SVOP: variants seen among roughly 807,000 people sequenced by gnomAD.
SVOP encodes the protein synaptic vesicle 2-related protein.
SVOP carries 17 observed loss-of-function variants against 69.1 expected under a neutral mutation model. That is an observed-to-expected ratio of 0.25 (90% confidence interval 0.17 to 0.37). The LOEUF (loss-of-function observed/expected upper bound fraction) is 0.37. Ranked by LOEUF, SVOP falls within the 10% of genes least tolerant of loss-of-function variation. The probability of loss-of-function intolerance (pLI) is 1.00; values close to 1 mark genes in which losing one functional copy is unlikely to be tolerated. For missense variants in SVOP, 435 were observed against 597.5 expected (o/e 0.73, Z 2.84); for synonymous variants, 238 against 238.6 (o/e 1.00, Z 0.02).
At chr12:109,001,265 C>T (rs2040267742) in intron 1 of SVOP, among the ~76,000 whole-genome samples, 2 of 110,824 alleles carry the variant, frequency 1.8e-5, no homozygotes, top group Non-Finnish European at 3.8e-5. Flanking sequence ...TGTGAAGGAC[C>T]TCTTCAAGGA....
chr12:108,994,031 G>A lies in SVOP; in HGVS notation c.36-10270C>T, dbSNP rs551168939. Among the ~76,000 whole-genome samples the A allele has an allele frequency of 7.2e-5, 11 of 152,218 alleles. No homozygotes were observed. In the East Asian group the frequency reaches 1.7e-3, roughly 24 times the overall value. On this transcript the variant is annotated intron_variant, in intron 1 of 15. Coordinates refer to ENST00000610966, the MANE Select transcript of SVOP (RefSeq NM_018711.5). ...CATCTTCGCCGCAAGGACCGTCCAC[G>A]GCTCCCTACTTCCTTCTGTGGACTA...
At chr12:108,993,031 AC>A (rs1169475370) in intron 1 of SVOP, among the ~76,000 whole-genome samples, 4 of 151,966 alleles carry the variant, frequency 2.6e-5, no homozygotes, top group African/African-American at 9.7e-5. Context: ...ACATAGCGAG[AC>A]CCCGTCTTTT....
chr12:108,973,866 C>T (rs1397515389), intron 4 of SVOP, among the ~76,000 whole-genome samples: 3 of 152,192 alleles, frequency 2.0e-5, no homozygotes, highest in Non-Finnish European at 4.4e-5. Flanking sequence ...CAATGTAAAC[C>T]CTTCAGGGTG....
chr12:108,972,304 T>G, intron 5 of SVOP, 101 bp downstream of exon 5: 1 of 1,107,146 alleles, frequency 9.0e-7, no homozygotes, highest in South Asian at 1.4e-5. Context: ...TCATCCTTAT[T>G]AGGCCTCCCA....
chr12:108,928,766 C>T (rs373389106), intron 11 of SVOP, among the ~76,000 whole-genome samples: 2 of 152,000 alleles, frequency 1.3e-5, no homozygotes, highest in East Asian at 1.9e-4. Context: ...CAGGGTTTCA[C>T]CATATTGCCC....
At chr12:108,935,939 G>T (rs2039853589) in intron 10 of SVOP, among the ~76,000 whole-genome samples, 1 of 151,910 alleles carries the variant, frequency 6.6e-6, no homozygotes, top group Non-Finnish European at 1.5e-5. Context: ...CAAATCAGTG[G>T]TTCCCAAAAT....
intron 6 of SVOP, among the ~76,000 whole-genome samples, chr12:108,960,531 G>A (rs1315320703): frequency 6.6e-6 from 1 of 152,118 alleles, no homozygotes; most frequent in Non-Finnish European, 1.5e-5. Flanking sequence ...GGATATTGTA[G>A]TTACCCACCA....
chr12:108,980,974 C>T (rs1289270705), intron 2 of SVOP, among the ~76,000 whole-genome samples: 1 of 152,138 alleles, frequency 6.6e-6, no homozygotes, highest in African/African-American at 2.4e-5. Flanking sequence ...CGTGGGTGAC[C>T]TCCGAGGATC....
chr12:108,990,274 A>C, intron 1 of SVOP, among the ~76,000 whole-genome samples: 1 of 152,170 alleles, frequency 6.6e-6, no homozygotes, highest in Non-Finnish European at 1.5e-5. Context: ...AAAGGACATG[A>C]ACTCATCCTT....
chr12:109,013,039 T>C (rs1018549045), intron 1 of SVOP, among the ~76,000 whole-genome samples: 2 of 152,360 alleles, frequency 1.3e-5, no homozygotes, highest in South Asian at 2.1e-4. Context: ...GTGGTTCCAC[T>C]GTCAGGGAAA....
chr12:108,961,193 T>C (rs2040016143), intron 5 of SVOP, 146 bp from the exon 6 acceptor site: 3 of 1,001,396 alleles, frequency 3.0e-6, no homozygotes, highest in South Asian at 4.8e-5. Flanking sequence ...GTATGGGGAG[T>C]GCCAACCCAC....
chr12:108,993,054 A>G (rs949792212), intron 1 of SVOP, among the ~76,000 whole-genome samples: 1 of 151,946 alleles, frequency 6.6e-6, no homozygotes, highest in African/African-American at 2.4e-5. Context: ...TTTTTTTGAG[A>G]CGGAGTCTCA....
At chr12:108,983,887 G>A in intron 1 of SVOP, 126 bp from the exon 2 acceptor site, 2 of 397,560 alleles carry the variant, frequency 5.0e-6, no homozygotes, top group Non-Finnish European at 8.9e-6. Flanking sequence ...ATGGATGGGG[G>A]TTAGCATTTC....
intron 1 of SVOP, among the ~76,000 whole-genome samples, chr12:108,999,396 A>T (rs2135619074): frequency 6.6e-6 from 1 of 150,714 alleles, no homozygotes; most frequent in South Asian, 2.1e-4. Flanking sequence ...AACATTAGAC[A>T]GATCAATGAG....
In SVOP at chr12:108,938,827, C is replaced by G; in HGVS notation, c.897G>C (p.Gln299His). The G allele has an allele frequency of 6.2e-7, 1 of 1,614,002 alleles. No individual in the cohort carries two copies. Among genetic ancestry groups the G allele is most frequent in the Non-Finnish European group, 8.5e-7 (1 of 1,179,864 alleles). The change falls in exon 9 of 16, where the codon CAG becomes CAC. Residue 299 changes from glutamine (Q) to histidine (H), a missense_variant and splice_region_variant. Physicochemically the swap from Gln to His is conservative, Grantham distance 24. Transcript: ENST00000610966. ...MPLGKLIISRQEDRGKMRDLF... is the reference protein window; with the variant it reads ...MPLGKLIISRHEDRGKMRDLF... ...AGAGTCTATTGGTCCAGGCACTGAC[C>G]TGTCTGGAGATGATGAGTTTCCCCA...
intron 1 of SVOP, among the ~76,000 whole-genome samples, chr12:109,003,048 T>C (rs1044774308): frequency 2.6e-5 from 4 of 151,928 alleles, no homozygotes; most frequent in Non-Finnish European, 5.9e-5. Flanking sequence ...TCAGACCCTG[T>C]ACCAAACCTA....
Position 108,910,021 on chromosome 12 carries a change from G to T in SVOP, c.*2514C>A, listed in dbSNP as rs911280840. On this transcript the variant is annotated 3_prime_UTR_variant, in exon 16 of 16. Transcript: ENST00000610966. ...GTCGCCCAGGCTGGAGTGCAGTGGC[G>T]CGATCTCGGCTCACTGCAAGCTCTG... is the stretch of plus-strand genomic sequence containing the variant. The T allele has an allele frequency of 1.3e-5, 2 of 152,270 alleles. No homozygotes were observed. The highest frequency in any genetic ancestry group is 2.9e-5 in the Non-Finnish European group (2 of 68,160). 9.4% of individuals were successfully genotyped at this position (152,270 alleles called of 1,614,324 possible). A position where few individuals can be genotyped will look rare whatever the true frequency, so the allele number is the denominator to read the frequency against.
At position 108,915,831 on chromosome 12, in the gene SVOP, G is replaced by A. The variant is rs566735980; in HGVS notation, c.1392C>T (p.Cys464=). 43 of 1,609,110 alleles carry A rather than the reference G, an allele frequency of 2.7e-5. No individual in the cohort carries two copies. The African/African-American group carries it at 4.5e-4, about 17-fold the overall frequency. The part of the protein sequence containing the change: ...TATRALGLGT[C]SGMARVGALI... The stretch of plus-strand genomic sequence containing the variant: ...GAGCACCCACTCTTGCCATGCCGCT[G>A]CAGGTGCCCAGGCCGAGGGCCCGCG... Residue 464 remains cysteine (C), a synonymous_variant, in exon 15 of 16, where the codon TGC becomes TGT. Coordinates refer to ENST00000610966, the MANE Select transcript of SVOP (RefSeq NM_018711.5).
chr12:108,979,576 C>T (rs1239112492), intron 2 of SVOP, among the ~76,000 whole-genome samples: 1 of 152,102 alleles, frequency 6.6e-6, no homozygotes, highest in Non-Finnish European at 1.5e-5. Flanking sequence ...TCCATCTGCA[C>T]TCCGATGGAA....
Sources: gnomAD v4.1 joint callset for allele counts (sites outside exome capture counted in the v4.1 genomes callset) on GRCh38, gnomAD v4.1.1 for gene constraint, MANE v1.5 for transcripts, NCBI Gene and HGNC (gene_info 2026-07-23, HGNC 2026-07-21) for gene names.